The following RPL7L1 variants were observed in gnomAD, a reference collection of about 807,000 sequenced individuals.
RPL7L1 encodes the protein ribosomal protein L7 like 1, also known as ribosomal protein uL30-like.
A neutral mutation model predicts 30.3 loss-of-function variants in RPL7L1; 20 were observed. That is an observed-to-expected ratio of 0.66 (90% confidence interval 0.46 to 0.96). The LOEUF (loss-of-function observed/expected upper bound fraction) is 0.96. RPL7L1 is among the 40% of genes least tolerant of loss of function. The pLI is 0.00. For synonymous variants in RPL7L1, 107 were observed against 110.1 expected, an observed-to-expected ratio of 0.97 and a Z score of 0.18; for missense variants, 271 against 314.9, an observed-to-expected ratio of 0.86 and a Z score of 1.05.
At chr6:42,883,893 G>A in intron 3 of RPL7L1, 1 of 198,180 alleles carries the variant, frequency 5.0e-6, no homozygotes, top group Non-Finnish European at 1.0e-5. Flanking sequence ...TGTGAAAGGC[G>A]TTCACCAGTG....
In RPL7L1 at chr6:42,886,704, CTG is replaced by C. The variant is rs1471976553; in HGVS notation, c.*242_*243del. On this transcript the variant is annotated 3_prime_UTR_variant, in exon 6 of 6. Coordinates refer to ENST00000493763, the MANE Select transcript of RPL7L1 (RefSeq NM_001366481.3). The stretch of plus-strand genomic sequence containing the variant: ...CTTAAAGATGTCGAGTAACTAAAAA[CTG>C]TATTGCTGGCCGGGCGCGGTGGCTC... 21 of 449,974 alleles carry C rather than the reference CTG, an allele frequency of 4.7e-5. No homozygotes were observed. Among genetic ancestry groups the C allele is most frequent in the East Asian group, 8.4e-5 (2 of 23,776 alleles). The allele number at this position is 449,974 out of a possible 1,614,324, so 27.9% of individuals were successfully genotyped here.
chr6:42,880,055 GA>G (rs969974909), intron 1 of RPL7L1, 104 bp downstream of exon 1: 12 of 1,154,340 alleles, frequency 1.0e-5, no homozygotes, highest in Non-Finnish European at 1.4e-5. Context: ...TCTAGGAATA[GA>G]AAAGGCCACA....
chr6:42,882,698 A>C (rs1235659575), intron 2 of RPL7L1: 2 of 152,120 alleles, frequency 1.3e-5, no homozygotes, highest in Non-Finnish European at 2.9e-5. Flanking sequence ...TCCTGAAGTC[A>C]GGAGTTTGAG....
chr6:42,883,704 A>G, intron 3 of RPL7L1, 90 bp downstream of exon 3: 1 of 1,083,410 alleles, frequency 9.2e-7, no homozygotes, highest in Non-Finnish European at 1.3e-6. Context: ...AATATGCCCC[A>G]AGCCACTCAG....
chr6:42,886,994 G>GAA lies in RPL7L1; in HGVS notation c.*546_*547dup, dbSNP rs59680080. ...GGCGACAGAGCGAGACTCCATCTCG[G>GAA]AAAAAAAAAAAAAAAAACTATTGCT... On this transcript the variant is annotated 3_prime_UTR_variant, in exon 6 of 6. Transcript: ENST00000493763. The GAA allele has an allele frequency of 0.31, 35,609 of 115,184 alleles. 4,963 individuals carry two copies. Among genetic ancestry groups the GAA allele is most frequent in the Middle Eastern group, 0.42 (93 of 220 alleles). The allele number at this position is 115,184 out of a possible 1,614,324, so 7.1% of individuals were successfully genotyped here. A position where few individuals can be genotyped will look rare whatever the true frequency, so the allele number is the denominator to read the frequency against.
rs1345202818 is a variant in RPL7L1 at position 42,886,181 on chromosome 6, G to A, written c.560-75G>A. 3 of 1,449,324 alleles carry A rather than the reference G, an allele frequency of 2.1e-6. No homozygotes were observed. The African/African-American group carries it at 4.2e-5, about 20-fold the overall frequency. 89.8% of individuals were successfully genotyped at this position (1,449,324 alleles called of 1,614,324 possible). A position where few individuals can be genotyped will look rare whatever the true frequency, so the allele number is the denominator to read the frequency against. On this transcript the variant is annotated intron_variant, in intron 5 of 5. Coordinates refer to ENST00000493763, the MANE Select transcript of RPL7L1 (RefSeq NM_001366481.3). ...TTGTATTCTTCTTGGGGCCCCAAGAGTCTGCCAGAGTGGCCAGCTTAGTAT... is the reference window on the plus strand; with the variant it reads ...TTGTATTCTTCTTGGGGCCCCAAGAATCTGCCAGAGTGGCCAGCTTAGTAT...
At position 42,888,830 on chromosome 6, in the gene RPL7L1, T is replaced by G. The variant is rs1280084106; in HGVS notation, c.*2366T>G. The G allele has an allele frequency of 2.6e-5, 4 of 152,238 alleles. No individual in the cohort carries two copies. In the East Asian group the frequency reaches 5.8e-4, roughly 22 times the overall value. 9.4% of individuals were successfully genotyped at this position (152,238 alleles called of 1,614,324 possible). On this transcript the variant is annotated 3_prime_UTR_variant, in exon 6 of 6. Transcript: ENST00000493763. ...TATTCTAGTCTTCAGAAGCATTGCC[T>G]TTTGTCCTACTGGTAGTGACATAGA...
At chr6:42,884,858 G>A in intron 4 of RPL7L1, 108 bp downstream of exon 4, 6 of 1,108,956 alleles carry the variant, frequency 5.4e-6, no homozygotes, top group Admixed American at 2.2e-5. Context: ...GGGACATTTT[G>A]CTGTGACCAC....
In RPL7L1 at chr6:42,879,825, TG is replaced by T; in HGVS notation, c.-84del. On this transcript the variant is annotated 5_prime_UTR_variant, in exon 1 of 6. Transcript: ENST00000493763. ...TCACTGCGGCTAAGTGAACGCTGAC[TG>T]GTCCTCCAGCGTGAGCTAGAACAGA... 7.0e-7 allele frequency: 1 copy of T among 1,419,950 alleles called. No homozygotes were observed. The highest frequency in any genetic ancestry group is 9.9e-7 in the Non-Finnish European group (1 of 1,006,068). 88.0% of individuals were successfully genotyped at this position (1,419,950 alleles called of 1,614,324 possible).
At position 42,889,765 on chromosome 6, in the gene RPL7L1, T is replaced by C. The variant is rs1345162838; in HGVS notation, c.*3301T>C. The C allele has an allele frequency of 1.3e-5, 2 of 152,208 alleles. No homozygotes were observed. The highest frequency in any genetic ancestry group is 2.9e-5 in the Non-Finnish European group (2 of 68,034). 9.4% of individuals were successfully genotyped at this position (152,208 alleles called of 1,614,324 possible). ...ATTAAACAAAACAATAGTTTGTAAT[T>C]TATTCTGTCAGAGCAAACTGCTGGT... On this transcript the variant is annotated 3_prime_UTR_variant, in exon 6 of 6. Transcript: ENST00000493763.
intron 4 of RPL7L1, among the ~76,000 whole-genome samples, chr6:42,885,423 A>T (rs1323162141): frequency 1.3e-5 from 2 of 151,788 alleles, no homozygotes; most frequent in Non-Finnish European, 2.9e-5. Flanking sequence ...TCTACTAAAA[A>T]TACAAAAAAA....
At chr6:42,883,416 CACA>C in intron 2 of RPL7L1, 32 bp from the exon 3 acceptor site, 1 of 1,510,660 alleles carries the variant, frequency 6.6e-7, no homozygotes, top group South Asian at 1.3e-5. Context: ...TGTATGGAGG[CACA>C]AGATGATGAT....
Position 42,888,565 on chromosome 6 carries a change from T to C in RPL7L1, c.*2101T>C, listed in dbSNP as rs920088020. 6.6e-6 allele frequency: 1 copy of C among 152,194 alleles called. No individual in the cohort carries two copies. The highest frequency in any genetic ancestry group is 1.5e-5 in the Non-Finnish European group (1 of 68,042). 9.4% of individuals were successfully genotyped at this position (152,194 alleles called of 1,614,324 possible). A position where few individuals can be genotyped will look rare whatever the true frequency, so the allele number is the denominator to read the frequency against. ...TATGGAAGACCAAAGTTTACCAAGA[T>C]AGATTTTTCCCTTCATAGTGGCAGA... On this transcript the variant is annotated 3_prime_UTR_variant, in exon 6 of 6. Coordinates refer to ENST00000493763, the MANE Select transcript of RPL7L1 (RefSeq NM_001366481.3).
At chr6:42,882,750 AC>A (rs974101155) in intron 2 of RPL7L1, 4 of 151,746 alleles carry the variant, frequency 2.6e-5, no homozygotes, top group African/African-American at 9.7e-5. Flanking sequence ...TACTAAAAAT[AC>A]AAAAATTAGC....
Position 42,886,995 on chromosome 6 carries a change from A to AAAG in RPL7L1, c.*533_*534insGAA. On this transcript the variant is annotated 3_prime_UTR_variant, in exon 6 of 6. Transcript: ENST00000493763. The stretch of plus-strand genomic sequence containing the variant: ...GCGACAGAGCGAGACTCCATCTCGG[A>AAAG]AAAAAAAAAAAAAAAACTATTGCTG... 1 of 63,804 alleles carries AAAG rather than the reference A, an allele frequency of 1.6e-5. No homozygotes were observed. The allele number at this position is 63,804 out of a possible 1,614,324, so 4.0% of individuals were successfully genotyped here.
Position 42,880,920 on chromosome 6 carries a change from C to A in RPL7L1, c.101C>A (p.Ala34Asp). ...CTGAAAAAGAGGAAGGCTTATCAAGCCCTCAAAGCCACCCAGGCAAAGCAG... is the reference window on the plus strand; with the variant it reads ...CTGAAAAAGAGGAAGGCTTATCAAGACCTCAAAGCCACCCAGGCAAAGCAG... Reference protein sequence around the residue: ...NLLKKRKAYQALKATQAKQAL... With the variant: ...NLLKKRKAYQDLKATQAKQAL... The change falls in exon 2 of 6, where the codon GCC becomes GAC. Residue 34 changes from alanine (A) to aspartate (D), a missense_variant. Physicochemically the swap from Ala to Asp is moderately radical, Grantham distance 126. Coordinates refer to ENST00000493763, the MANE Select transcript of RPL7L1 (RefSeq NM_001366481.3). The A allele has an allele frequency of 4.4e-6, 7 of 1,608,664 alleles. No homozygotes were observed. Among genetic ancestry groups the A allele is most frequent in the Non-Finnish European group, 6.0e-6 (7 of 1,175,398 alleles).
At position 42,879,806 on chromosome 6, in the gene RPL7L1, C is replaced by G; in HGVS notation, c.-105C>G. ...TTAGCGGGACCTCAAGGGCTCACTG[C>G]GGCTAAGTGAACGCTGACTGGTCCT... On this transcript the variant is annotated 5_prime_UTR_variant, in exon 1 of 6. Transcript: ENST00000493763. The G allele has an allele frequency of 1.6e-6, 2 of 1,222,366 alleles. No individual in the cohort carries two copies. Among genetic ancestry groups the G allele is most frequent in the East Asian group, 2.3e-5 (1 of 42,666 alleles). 75.7% of individuals were successfully genotyped at this position (1,222,366 alleles called of 1,614,324 possible).
Position 42,880,715 on chromosome 6 carries a change from G to C in RPL7L1, c.42-146G>C, listed in dbSNP as rs1005757169. On this transcript the variant is annotated intron_variant, in intron 1 of 5. Coordinates refer to ENST00000493763, the MANE Select transcript of RPL7L1 (RefSeq NM_001366481.3). The stretch of plus-strand genomic sequence containing the variant: ...TTAGTAGAAACGGGGGTTTCACCAT[G>C]TTGGTCAGGCTGGTCTCGAACTCCT... 8.0e-6 allele frequency: 4 copies of C among 497,334 alleles called. No homozygotes were observed. The African/African-American group carries it at 8.1e-5, about 10-fold the overall frequency. 30.8% of individuals were successfully genotyped at this position (497,334 alleles called of 1,614,324 possible).
chr6:42,886,269 C>A lies in RPL7L1; in HGVS notation c.573C>A (p.Val191=), dbSNP rs1189526124. The A allele has an allele frequency of 6.2e-7, 1 of 1,611,076 alleles. No individual in the cohort carries two copies. Among genetic ancestry groups the A allele is most frequent in the East Asian group, 2.2e-5 (1 of 44,876 alleles). Residue 191 remains valine, a synonymous_variant, in exon 6 of 6, where the codon GTC becomes GTA. Transcript: ENST00000493763. Reference sequence around the variant, plus strand: ...TGTGTTTCTTAGGGAAGTTTGGCGTCATTTGCTTGGAAGACCTCATTCATG... The same window carrying A: ...TGTGTTTCTTAGGGAAGTTTGGCGTAATTTGCTTGGAAGACCTCATTCATG... The part of the protein sequence containing the change: ...VIEEHLGKFG[V]ICLEDLIHEI...
Sources: allele counts gnomAD v4.1 joint callset (sites outside exome capture counted in the v4.1 genomes callset), GRCh38; gene constraint gnomAD v4.1.1; transcripts MANE v1.5; gene names NCBI Gene and HGNC (gene_info 2026-07-23, HGNC 2026-07-21).